CNKSR2: variants seen among roughly 807,000 people sequenced by gnomAD.
CNKSR2 encodes CNK homolog protein 2.
Under a neutral mutation model 84.4 loss-of-function variants are expected in CNKSR2, and 14 were observed. That is an observed-to-expected ratio of 0.17 (90% CI 0.11 to 0.26). CNKSR2 has a LOEUF of 0.26. Ranked by LOEUF, CNKSR2 falls within the 10% of genes least tolerant of loss-of-function variation. The pLI is 1.00. For missense variants in CNKSR2, 485 were observed against 771.2 expected, an observed-to-expected ratio of 0.63 and a Z score of 4.40; for synonymous variants, 275 against 277.9, an observed-to-expected ratio of 0.99 and a Z score of 0.10.
intron 2 of CNKSR2, chrX:21,428,731 C>T (rs967214713): frequency 4.5e-5 from 5 of 110,854 alleles, no homozygotes; most frequent in Non-Finnish European, 5.7e-5. Context: ...AGGATAAGAA[C>T]AGTTTTCATT....
intron 8 of CNKSR2, among the ~76,000 whole-genome samples, chrX:21,511,955 G>C (rs2091676501): frequency 9.0e-6 from 1 of 111,335 alleles, no homozygotes; most frequent in African/African-American, 3.3e-5. Flanking sequence ...CTCAAGGATG[G>C]GTTAGGTGCC....
chrX:21,470,960 C>T (rs1369498331), intron 5 of CNKSR2, 153 bp downstream of exon 5: 4 of 250,919 alleles, frequency 1.6e-5, no homozygotes, highest in Admixed American at 6.6e-5. Context: ...TAACAAGTTA[C>T]GTTAGTTATA....
intron 20 of CNKSR2, chrX:21,642,656 A>AGT: frequency 1.4e-6 from 1 of 740,240 alleles, no homozygotes; most frequent in Non-Finnish European, 1.6e-6. Flanking sequence ...CTGTCACCGC[A>AGT]GTGTGTGGTA....
chrX:21,601,445 T>C, intron 18 of CNKSR2, 96 bp downstream of exon 18: 1 of 540,968 alleles, frequency 1.8e-6, no homozygotes, highest in Admixed American at 4.0e-5. Flanking sequence ...AGAAAATACA[T>C]GTCAATTTTT....
chrX:21,606,372 A>C (rs1027673608), intron 18 of CNKSR2, among the ~76,000 whole-genome samples: 10 of 112,011 alleles, frequency 8.9e-5, no homozygotes, highest in Non-Finnish European at 1.9e-5. Context: ...ACAGCAATGT[A>C]TGTATTGCTT....
chrX:21,610,057 A>C (rs1469995137), intron 20 of CNKSR2, among the ~76,000 whole-genome samples: 1 of 112,292 alleles, frequency 8.9e-6, no homozygotes, highest in Non-Finnish European at 1.9e-5. Context: ...ACACCCACTC[A>C]CATCTATACA....
At chrX:21,574,996 C>T (rs2092309826) in intron 13 of CNKSR2, among the ~76,000 whole-genome samples, 1 of 111,287 alleles carries the variant, frequency 9.0e-6, no homozygotes, top group South Asian at 3.8e-4. Flanking sequence ...AAGAATGATA[C>T]TGTGAATCAT....
intron 7 of CNKSR2, among the ~76,000 whole-genome samples, chrX:21,501,163 G>T (rs2091555282): frequency 9.0e-6 from 1 of 110,893 alleles, no homozygotes; most frequent in African/African-American, 3.3e-5. Flanking sequence ...AGAGTTGCTT[G>T]TATAAAGTTT....
chrX:21,487,374 G>A (rs1381528439), intron 5 of CNKSR2, among the ~76,000 whole-genome samples: 1 of 111,860 alleles, frequency 8.9e-6, no homozygotes, highest in African/African-American at 3.2e-5. Context: ...CATTACAAGA[G>A]TGTTATATGA....
At chrX:21,388,268 G>T (rs752982278) in intron 1 of CNKSR2, among the ~76,000 whole-genome samples, 1 of 112,072 alleles carries the variant, frequency 8.9e-6, no homozygotes, top group South Asian at 3.7e-4. Context: ...TTGTTCCATA[G>T]AGTGTACAAG....
At chrX:21,413,144 A>G (rs898809733) in intron 1 of CNKSR2, among the ~76,000 whole-genome samples, 104 of 111,471 alleles carry the variant, frequency 9.3e-4, no homozygotes, top group African/African-American at 3.3e-3. Flanking sequence ...TGCATGCCTC[A>G]TATAAGTGGA....
At chrX:21,540,811 G>A (rs1032822958) in intron 11 of CNKSR2, among the ~76,000 whole-genome samples, 1 of 111,927 alleles carries the variant, frequency 8.9e-6, no homozygotes, top group African/African-American at 3.2e-5. Flanking sequence ...AAGCAAAAGC[G>A]ATATGACACA....
At chrX:21,453,141 T>C (rs1361622758) in intron 4 of CNKSR2, among the ~76,000 whole-genome samples, 1 of 111,433 alleles carries the variant, frequency 9.0e-6, no homozygotes, top group Non-Finnish European at 1.9e-5. Flanking sequence ...GAAGCAGACA[T>C]GGACCAACAC....
At chrX:21,438,580 T>G (rs755270387) in intron 3 of CNKSR2, among the ~76,000 whole-genome samples, 1 of 111,591 alleles carries the variant, frequency 9.0e-6, no homozygotes, top group African/African-American at 3.2e-5. Context: ...AAATATAAAT[T>G]TACAAGAAAA....
At chrX:21,380,860 A>T (rs182443608) in intron 1 of CNKSR2, among the ~76,000 whole-genome samples, 116 of 112,362 alleles carry the variant, frequency 1.0e-3, no homozygotes, top group African/African-American at 3.6e-3. Context: ...GTACTAAAAG[A>T]GTGGATCATC....
In CNKSR2 at chrX:21,374,651, A is replaced by G. The variant is rs904203339; in HGVS notation, c.-247A>G. 7 of 488,453 alleles carry G rather than the reference A, an allele frequency of 1.4e-5. No individual in the cohort carries two copies. The highest frequency in any genetic ancestry group is 2.6e-5 in the Non-Finnish European group (7 of 274,263). The allele number at this position is 488,453 out of a possible 1,213,427, so 40.3% of individuals were successfully genotyped here. On this transcript the variant is annotated 5_prime_UTR_variant, in exon 1 of 22. Transcript: ENST00000379510. ...CAGCAGCCGCCGCCGCCGCCGCCTTAGCGGGAACTGAGCAGACCCGGCGCG... is the reference window on the plus strand; with the variant it reads ...CAGCAGCCGCCGCCGCCGCCGCCTTGGCGGGAACTGAGCAGACCCGGCGCG...
At chrX:21,617,162 T>C (rs1199330611) in intron 20 of CNKSR2, among the ~76,000 whole-genome samples, 1 of 111,639 alleles carries the variant, frequency 9.0e-6, no homozygotes, top group Non-Finnish European at 1.9e-5. Context: ...TGTTATCTGC[T>C]ATTATTTTCA....
At position 21,653,037 on chromosome X, in the gene CNKSR2, A is replaced by G. The variant is rs1337042171; in HGVS notation, c.*516A>G. ...ATTTTTGTGAAATGTAGATGCGCAT[A>G]CAAGAGCTAAGCAAAATAGAAGAGC... On this transcript the variant is annotated 3_prime_UTR_variant, in exon 22 of 22. Coordinates refer to ENST00000379510, the MANE Select transcript of CNKSR2 (RefSeq NM_014927.5). 1 of 112,628 alleles carries G rather than the reference A, an allele frequency of 8.9e-6. No homozygotes were observed. Among genetic ancestry groups the G allele is most frequent in the Non-Finnish European group, 1.9e-5 (1 of 53,481 alleles). 9.3% of individuals were successfully genotyped at this position (112,628 alleles called of 1,213,427 possible).
intron 4 of CNKSR2, 181 bp downstream of exon 4, chrX:21,440,962 A>T: frequency 3.1e-6 from 1 of 323,374 alleles, no homozygotes; most frequent in Non-Finnish European, 5.3e-6. Flanking sequence ...TAGCTCAGTT[A>T]GCTTACCAGA....
Sources: gnomAD v4.1 joint callset for allele counts (sites outside exome capture counted in the v4.1 genomes callset) on GRCh38, gnomAD v4.1.1 for gene constraint, MANE v1.5 for transcripts, NCBI Gene and HGNC (gene_info 2026-07-23, HGNC 2026-07-21) for gene names.